ZNF90: variants seen among roughly 807,000 people sequenced by gnomAD.
ZNF90 encodes the protein zinc finger protein HTF9.
A neutral mutation model predicts 12.0 loss-of-function variants in ZNF90; 11 were observed. That is an observed-to-expected ratio of 0.92 (90% CI 0.58 to 1.52). ZNF90 has a LOEUF of 1.52. Ranked by LOEUF, ZNF90 falls within the 40% of genes most tolerant of loss-of-function variation. The pLI, the probability that ZNF90 is intolerant of heterozygous loss-of-function variation, is 0.00. For missense variants in ZNF90, 765 were observed against 711.5 expected, an observed-to-expected ratio of 1.08 and a Z score of -0.86; for synonymous variants, 232 against 240.1, an observed-to-expected ratio of 0.97 and a Z score of 0.31.
At chr19:20,103,878 G>C (rs1259801642) in intron 1 of ZNF90, among the ~76,000 whole-genome samples, 1 of 151,524 alleles carries the variant, frequency 6.6e-6, no homozygotes, top group Non-Finnish European at 1.5e-5. Flanking sequence ...ATTAAAATTT[G>C]AGAGGTGCCT....
rs2089025774 is a variant in ZNF90 at position 20,105,282 on chromosome 19, T to C, written c.192T>C (p.Thr64=). 1 of 1,607,920 alleles carries C rather than the reference T, an allele frequency of 6.2e-7. No homozygotes were observed. Among genetic ancestry groups the C allele is most frequent in the South Asian group, 1.1e-5 (1 of 90,942 alleles). The stretch of plus-strand genomic sequence containing the variant: ...TGGAGCAAGGAAAAAAACCCTTCAC[T>C]GTGAAGAGACATGAGATGATTGCCA... ...TCLEQGKKPF[T]VKRHEMIAKS... Residue 64 remains threonine (T), a synonymous_variant, in exon 3 of 4, where the codon ACT becomes ACC. Transcript: ENST00000418063.
chr19:20,086,307 T>A (rs2088859567), intron 1 of ZNF90, among the ~76,000 whole-genome samples: 1 of 142,754 alleles, frequency 7.0e-6, no homozygotes, highest in Admixed American at 7.4e-5. Context: ...TAATTTCAGC[T>A]CACTGCAACC....
chr19:20,085,567 T>C (rs549198339), intron 1 of ZNF90, among the ~76,000 whole-genome samples: 1 of 152,318 alleles, frequency 6.6e-6, no homozygotes, highest in Admixed American at 6.5e-5. Flanking sequence ...GCCAGTTGCA[T>C]TGGTCTTATG....
At chr19:20,079,259 AC>A (rs763202260) in intron 1 of ZNF90, among the ~76,000 whole-genome samples, 1 of 151,834 alleles carries the variant, frequency 6.6e-6, no homozygotes, top group South Asian at 2.1e-4. Context: ...TAAAGCTTGA[AC>A]CTAGTGATTC....
At chr19:20,082,295 TCTTA>T (rs1325846852) in intron 1 of ZNF90, among the ~76,000 whole-genome samples, 4 of 152,192 alleles carry the variant, frequency 2.6e-5, no homozygotes, top group African/African-American at 7.2e-5. Context: ...ATTATTTAGC[TCTTA>T]CTTATAAATA....
chr19:20,118,007 G>C lies in ZNF90; in HGVS notation c.453G>C (p.Val151=), dbSNP rs1555705884. The change falls in exon 4 of 4, where the codon GTG becomes GTC. Residue 151 remains valine, a synonymous_variant. Coordinates refer to ENST00000418063, the MANE Select transcript of ZNF90 (RefSeq NM_007138.2). ...AAGTATTTCAATGTGATACATATGTGAAAGTCTCTCATATATTTTCAAATT... is the reference window on the plus strand; with the variant it reads ...AAGTATTTCAATGTGATACATATGTCAAAGTCTCTCATATATTTTCAAATT... ...QSKVFQCDTY[V]KVSHIFSNSN... 1 of 1,612,554 alleles carries C rather than the reference G, an allele frequency of 6.2e-7. No homozygotes were observed. Among genetic ancestry groups the C allele is most frequent in the Admixed American group, 1.7e-5 (1 of 59,620 alleles).
Position 20,117,998 on chromosome 19 carries a change from T to C in ZNF90, c.444T>C (p.Asp148=). Residue 148 remains aspartate (D), a synonymous_variant, in exon 4 of 4, where the codon GAT becomes GAC. Coordinates refer to ENST00000418063, the MANE Select transcript of ZNF90 (RefSeq NM_007138.2). ...TATQSKVFQC[D]TYVKVSHIFS... ...CCCAGAGCAAAGTATTTCAATGTGA[T>C]ACATATGTGAAAGTCTCTCATATAT... is the stretch of plus-strand genomic sequence containing the variant. 1 of 1,613,090 alleles carries C rather than the reference T, an allele frequency of 6.2e-7. No homozygotes were observed.
In ZNF90 at chr19:20,120,782, T is replaced by C. The variant is rs1295996310; in HGVS notation, c.*1422T>C. 1 of 152,200 alleles carries C rather than the reference T, an allele frequency of 6.6e-6. No individual in the cohort carries two copies. The highest frequency in any genetic ancestry group is 1.5e-5 in the Non-Finnish European group (1 of 68,028). 9.4% of individuals were successfully genotyped at this position (152,200 alleles called of 1,614,324 possible). On this transcript the variant is annotated 3_prime_UTR_variant, in exon 4 of 4. Coordinates refer to ENST00000418063, the MANE Select transcript of ZNF90 (RefSeq NM_007138.2). ...TGAAGCATTGTAATTACATTGAAAG[T>C]ATACTTGCTTTCTTGAGAAAAAATT...
chr19:20,117,230 G>A (rs145741535), intron 3 of ZNF90, among the ~76,000 whole-genome samples: 192 of 152,070 alleles, frequency 1.3e-3, no homozygotes, highest in African/African-American at 4.4e-3. Context: ...TTTTAGTACA[G>A]ATGGGGTTTC....
Position 20,120,267 on chromosome 19 carries a change from GA to G in ZNF90, c.*910del, listed in dbSNP as rs1362859289. 2.0e-5 allele frequency among the ~76,000 whole-genome samples: 3 copies of G among 152,216 alleles called. No homozygotes were observed. Among genetic ancestry groups the G allele is most frequent in the Non-Finnish European group, 2.9e-5 (2 of 68,044 alleles). On this transcript the variant is annotated 3_prime_UTR_variant, in exon 4 of 4. Coordinates refer to ENST00000418063, the MANE Select transcript of ZNF90 (RefSeq NM_007138.2). ...CAACAGAAGGTGGTTCACAGTTAAT[GA>G]AAGCATTTAAAGTGCAATTATGCTC...
chr19:20,118,833 T>C lies in ZNF90; in HGVS notation c.1279T>C (p.Cys427Arg). 3.7e-6 allele frequency: 6 copies of C among 1,603,870 alleles called. No homozygotes were observed. Among genetic ancestry groups the C allele is most frequent in the Non-Finnish European group, 5.1e-6 (6 of 1,175,126 alleles). The part of the protein sequence containing the change: ...ISHTEEKPYK[C>R]QECDKVFKRS... Reference sequence around the variant, plus strand: ...TCATACTGAAGAGAAACCCTACAAATGTCAAGAATGTGACAAAGTCTTCAA... The same window carrying C: ...TCATACTGAAGAGAAACCCTACAAACGTCAAGAATGTGACAAAGTCTTCAA... Residue 427 changes from cysteine to arginine, a missense_variant, in exon 4 of 4, where the codon TGT (cysteine) becomes CGT (arginine). Physicochemically the swap from Cys to Arg is radical, Grantham distance 180. Coordinates refer to ENST00000418063, the MANE Select transcript of ZNF90 (RefSeq NM_007138.2).
At chr19:20,081,189 A>AT (rs112090867) in intron 1 of ZNF90, among the ~76,000 whole-genome samples, 2,950 of 150,750 alleles carry the variant, frequency 0.02, 93 homozygotes, top group African/African-American at 0.067. Context: ...TCATTATGCC[A>AT]TTTTTTTTTC....
intron 1 of ZNF90, among the ~76,000 whole-genome samples, chr19:20,085,353 G>A (rs1445409361): frequency 6.7e-6 from 1 of 149,470 alleles, no homozygotes; most frequent in African/African-American, 2.5e-5. Flanking sequence ...TCCGCCTCCC[G>A]GGTTCATGCC....
rs992267944 is a variant in ZNF90 at position 20,119,692 on chromosome 19, C to G, written c.*332C>G. 4.8e-6 allele frequency: 1 copy of G among 210,154 alleles called. No individual in the cohort carries two copies. The highest frequency in any genetic ancestry group is 9.5e-6 in the Non-Finnish European group (1 of 105,220). 13.0% of individuals were successfully genotyped at this position (210,154 alleles called of 1,614,324 possible). A position where few individuals can be genotyped will look rare whatever the true frequency, so the allele number is the denominator to read the frequency against. Reference sequence around the variant, plus strand: ...CTGGAGTGCAATGGCACGATCTCTGCTCACTGCAACCTCTTCCTCCTGGTT... The same window carrying G: ...CTGGAGTGCAATGGCACGATCTCTGGTCACTGCAACCTCTTCCTCCTGGTT... On this transcript the variant is annotated 3_prime_UTR_variant, in exon 4 of 4. Coordinates refer to ENST00000418063, the MANE Select transcript of ZNF90 (RefSeq NM_007138.2).
intron 1 of ZNF90, among the ~76,000 whole-genome samples, chr19:20,078,595 G>A (rs917972782): frequency 5.3e-5 from 8 of 151,570 alleles, no homozygotes; most frequent in Non-Finnish European, 1.0e-4. Context: ...ATCACTTGAG[G>A]TAAAGGGTTG....
intron 3 of ZNF90, among the ~76,000 whole-genome samples, chr19:20,106,624 T>C (rs1469765443): frequency 6.6e-6 from 1 of 152,198 alleles, no homozygotes; most frequent in Non-Finnish European, 1.5e-5. Flanking sequence ...CAGCTAATTT[T>C]TTGTATTTTT....
At chr19:20,109,460 T>A (rs1325259070) in intron 3 of ZNF90, among the ~76,000 whole-genome samples, 2 of 152,334 alleles carry the variant, frequency 1.3e-5, no homozygotes, top group African/African-American at 4.8e-5. Context: ...AACACTTTTG[T>A]GATCTGAAGG....
At chr19:20,116,806 T>C (rs1454423040) in intron 3 of ZNF90, among the ~76,000 whole-genome samples, 1 of 152,074 alleles carries the variant, frequency 6.6e-6, no homozygotes, top group Non-Finnish European at 1.5e-5. Context: ...CTGTTTGGGG[T>C]ACTGCAGTTT....
At chr19:20,099,294 A>G (rs1338178398) in intron 1 of ZNF90, among the ~76,000 whole-genome samples, 1 of 152,018 alleles carries the variant, frequency 6.6e-6, no homozygotes, top group Non-Finnish European at 1.5e-5. Flanking sequence ...TTCCTTCAGC[A>G]TCCTGAGTAG....
Sources: gnomAD v4.1 joint callset for allele counts (sites outside exome capture counted in the v4.1 genomes callset) on GRCh38, gnomAD v4.1.1 for gene constraint, MANE v1.5 for transcripts, NCBI Gene and HGNC (gene_info 2026-07-23, HGNC 2026-07-21) for gene names.